The following DMD variants were observed in gnomAD, a reference collection of about 807,000 sequenced individuals.
DMD encodes mutant dystrophin.
Under a neutral mutation model 330.1 loss-of-function variants are expected in DMD, and 63 were observed. The observed-to-expected ratio is 0.19, with a 90% CI of 0.16 to 0.24. DMD has a LOEUF of 0.24. Among genes scored for constraint, DMD ranks in the 10% least tolerant of loss-of-function variants. The pLI is 1.00. For missense variants in DMD, 3,344 were observed against 2,684.1 expected (o/e 1.25, Z -5.43); for synonymous variants, 1,223 against 959.8 (o/e 1.27, Z -5.07).
At chrX:32,647,040 G>C (rs1024654600) in intron 9 of DMD, among the ~76,000 whole-genome samples, 1 of 111,049 alleles carries the variant, frequency 9.0e-6, no homozygotes, top group Non-Finnish European at 1.9e-5. Context: ...AGCATTAAGG[G>C]GGAAAATGAT....
At chrX:31,207,944 C>T (rs939707288) in intron 65 of DMD, among the ~76,000 whole-genome samples, 2 of 110,757 alleles carry the variant, frequency 1.8e-5, no homozygotes, top group Non-Finnish European at 3.8e-5. Context: ...TACAACAAAC[C>T]CCCGTGACGT....
At chrX:33,268,817 C>G (rs1265305070) in intron 1 of DMD, among the ~76,000 whole-genome samples, 2 of 105,704 alleles carry the variant, frequency 1.9e-5, no homozygotes, top group Admixed American at 1.0e-4. Flanking sequence ...ATCCCAGCTG[C>G]TAGGGAGGCT....
At chrX:31,881,396 CAAAA>C (rs34731646) in intron 47 of DMD, among the ~76,000 whole-genome samples, 1 of 81,035 alleles carries the variant, frequency 1.2e-5, no homozygotes. Context: ...ACTAAAAATA[CAAAA>C]AAAAAAAAAA....
At chrX:32,848,954 G>T (rs1324931498) in intron 3 of DMD, among the ~76,000 whole-genome samples, 1 of 110,963 alleles carries the variant, frequency 9.0e-6, no homozygotes, top group African/African-American at 3.3e-5. Context: ...TTGAACGACA[G>T]CTTCAGTTTG....
chrX:32,843,027 C>G (rs191613877), intron 4 of DMD, among the ~76,000 whole-genome samples: 1 of 111,307 alleles, frequency 9.0e-6, no homozygotes, highest in Non-Finnish European at 1.9e-5. Flanking sequence ...AGGCTGGTCT[C>G]GAACTCCTGA....
intron 55 of DMD, among the ~76,000 whole-genome samples, chrX:31,574,687 T>C (rs1389546405): frequency 1.8e-5 from 2 of 111,348 alleles, no homozygotes; most frequent in African/African-American, 6.5e-5. Context: ...TACTTTTTTT[T>C]CCCTCATTTA....
chrX:32,686,559 C>CAAAAAAAAAAAAAAAAAAAA (rs750534167), intron 9 of DMD, among the ~76,000 whole-genome samples: 35 of 28,547 alleles, frequency 1.2e-3, no homozygotes, highest in African/African-American at 1.5e-3. Context: ...AACTCCATCT[C>CAAAAAAAAAAAAAAAAAAAA]AAAAAAAAAA....
At chrX:33,036,521 A>T (rs1362537141) in intron 1 of DMD, among the ~76,000 whole-genome samples, 1 of 111,099 alleles carries the variant, frequency 9.0e-6, no homozygotes, top group Non-Finnish European at 1.9e-5. Context: ...CTATCAATAT[A>T]GATAAAGCCT....
intron 2 of DMD, among the ~76,000 whole-genome samples, chrX:33,016,796 A>T (rs7882729): frequency 0.012 from 1,300 of 111,828 alleles, 23 homozygotes; most frequent in African/African-American, 0.04. Context: ...AAACACAAAC[A>T]TCAAGCACAT....
chrX:31,300,326 T>G lies in DMD; in HGVS notation c.9224+23272A>C, dbSNP rs779986637. Among the ~76,000 whole-genome samples, 4 of 112,301 alleles carry G rather than the reference T, an allele frequency of 3.6e-5. No homozygotes were observed. The East Asian group carries it at 1.1e-3, about 31-fold the overall frequency. On this transcript the variant is annotated intron_variant, in intron 62 of 78. Coordinates refer to ENST00000357033, the MANE Select transcript of DMD (RefSeq NM_004006.3). ...ACCTGTTGGATTTGGCAAGATATGA[T>G]GAAGGGAGATGATACCAATACTTTA...
chrX:32,045,574 T>G (rs748135303), intron 44 of DMD, among the ~76,000 whole-genome samples: 1 of 110,763 alleles, frequency 9.0e-6, no homozygotes, highest in African/African-American at 3.3e-5. Flanking sequence ...TTCATAGCAA[T>G]ACATGCTAAC....
chrX:31,235,786 T>C (rs12013572), intron 63 of DMD, among the ~76,000 whole-genome samples: 10,438 of 112,023 alleles, frequency 0.093, 512 homozygotes, highest in African/African-American at 0.18. Flanking sequence ...CTCACAAAGA[T>C]ATCAAGACTT....
intron 17 of DMD, among the ~76,000 whole-genome samples, chrX:32,538,394 C>T (rs1032145710): frequency 9.0e-6 from 1 of 111,049 alleles, no homozygotes; most frequent in African/African-American, 3.3e-5. Context: ...TTGTGACCCC[C>T]GCCCCTGCCC....
chrX:32,605,067 A>T (rs1255578743), intron 12 of DMD, among the ~76,000 whole-genome samples: 1 of 111,060 alleles, frequency 9.0e-6, no homozygotes. Flanking sequence ...TACATAGAGA[A>T]TCAAAAAAGA....
intron 2 of DMD, among the ~76,000 whole-genome samples, chrX:33,001,056 A>AT: frequency 9.0e-6 from 1 of 111,365 alleles, no homozygotes; most frequent in Non-Finnish European, 1.9e-5. Flanking sequence ...ATAATCACCT[A>AT]CTGTTAAGAC....
Position 32,448,483 on chromosome X carries a change from C to A in DMD, c.3759G>T (p.Arg1253Ser). The A allele has an allele frequency of 8.3e-7, 1 of 1,208,579 alleles. No homozygotes were observed. Residue 1253 changes from arginine (R) to serine (S), a missense_variant, in exon 27 of 79, where the codon AGG becomes AGT. By Grantham distance (110) the Arg-to-Ser change is moderately radical. Transcript: ENST00000357033. ...LTTNYQWLCT[R>S]LNGKCKTLEE... ...CCAAAGTCTTGCATTTCCCATTCAG[C>A]CTAGTGCAGAGCCACTGGTAGTTGG...
chrX:31,484,663 T>C (rs1371570040), intron 57 of DMD, among the ~76,000 whole-genome samples: 1 of 112,278 alleles, frequency 8.9e-6, no homozygotes, highest in Non-Finnish European at 1.9e-5. Flanking sequence ...TGAAGTATGC[T>C]ACTACACTAT....
chrX:31,181,859 T>C (rs1485345808), intron 68 of DMD, among the ~76,000 whole-genome samples: 1 of 112,660 alleles, frequency 8.9e-6, no homozygotes, highest in African/African-American at 3.2e-5. Context: ...AGAGCTAGTT[T>C]ACAACTTTGT....
chrX:32,153,877 A>C (rs2147191631), intron 44 of DMD, among the ~76,000 whole-genome samples: 1 of 112,508 alleles, frequency 8.9e-6, no homozygotes, highest in South Asian at 3.7e-4. Flanking sequence ...TCCATGGCAG[A>C]AACTATAATG....
Sources: allele counts gnomAD v4.1 joint callset (sites outside exome capture counted in the v4.1 genomes callset), GRCh38; gene constraint gnomAD v4.1.1; transcripts MANE v1.5; gene names NCBI Gene and HGNC (gene_info 2026-07-23, HGNC 2026-07-21).